The following EIF4ENIF1 variants were observed in gnomAD, a reference collection of about 807,000 sequenced individuals.
EIF4ENIF1 encodes eukaryotic translation initiation factor 4E transporter.
A neutral mutation model predicts 110.5 loss-of-function variants in EIF4ENIF1; 23 were observed. The observed-to-expected ratio is 0.21, with a 90% CI of 0.15 to 0.29. EIF4ENIF1 has a LOEUF of 0.29. Ranked by LOEUF, EIF4ENIF1 falls within the 10% of genes least tolerant of loss-of-function variation. The probability of loss-of-function intolerance (pLI) is 1.00; values close to 1 mark genes in which losing one functional copy is unlikely to be tolerated. For missense variants in EIF4ENIF1, 1,031 were observed against 1,221.1 expected (o/e 0.84, Z 2.32); for synonymous variants, 440 against 437.0 (o/e 1.01, Z -0.09).
intron 10 of EIF4ENIF1, 78 bp downstream of exon 10, chr22:31,454,066 T>A: frequency 7.4e-7 from 1 of 1,359,256 alleles, no homozygotes; most frequent in Admixed American, 2.2e-5. Flanking sequence ...AATACCTTTT[T>A]AAAAATCCTT....
Position 31,467,720 on chromosome 22 carries a change from G to A in EIF4ENIF1, c.298+455C>T, listed in dbSNP as rs201336404. Among the ~76,000 whole-genome samples the A allele has an allele frequency of 3.0e-4, 45 of 152,178 alleles. No individual in the cohort carries two copies. In the East Asian group the frequency reaches 5.2e-3, roughly 18 times the overall value. On this transcript the variant is annotated intron_variant, in intron 4 of 18. Coordinates refer to ENST00000330125, the MANE Select transcript of EIF4ENIF1 (RefSeq NM_019843.4). ...CACCTGTAATCCCAGCTACTTGGGTGGCTAAGGCAGAGAATTGCTTGAACC... is the reference window on the plus strand; with the variant it reads ...CACCTGTAATCCCAGCTACTTGGGTAGCTAAGGCAGAGAATTGCTTGAACC...
chr22:31,457,824 T>C (rs756638262), intron 7 of EIF4ENIF1, among the ~76,000 whole-genome samples: 3 of 152,220 alleles, frequency 2.0e-5, no homozygotes, highest in Non-Finnish European at 4.4e-5. Flanking sequence ...GACTTTTAAG[T>C]GCACTAATTT....
intron 6 of EIF4ENIF1, chr22:31,461,881 C>T (rs1432659516): frequency 2.0e-5 from 3 of 152,300 alleles, no homozygotes; most frequent in African/African-American, 7.2e-5. Context: ...CCTTAAGTGT[C>T]CTTGAGTTAC....
intron 2 of EIF4ENIF1, among the ~76,000 whole-genome samples, chr22:31,476,654 G>A (rs140345548): frequency 9.9e-4 from 150 of 152,216 alleles, no homozygotes; most frequent in Non-Finnish European, 1.0e-4. Flanking sequence ...CAGCACTTTG[G>A]GAGGCCAAGG....
intron 2 of EIF4ENIF1, 64 bp downstream of exon 2, chr22:31,488,559 T>C (rs1333058887): frequency 6.2e-7 from 1 of 1,600,708 alleles, no homozygotes; most frequent in African/African-American, 1.3e-5. Context: ...AATGAAATAG[T>C]TATACAATGT....
In EIF4ENIF1 at chr22:31,444,657, C is replaced by G; in HGVS notation, c.2022G>C (p.Val674=). Residue 674 remains valine, a synonymous_variant, in exon 15 of 19, where the codon GTG becomes GTC. Coordinates refer to ENST00000330125, the MANE Select transcript of EIF4ENIF1 (RefSeq NM_019843.4). ...QQRVTKSPAP[V]HRGNSSSPAP... ...CAGGGGAAGAGGAATTCCCTCGATG[C>G]ACGGGTGCTGGTGACTTGGTCACTC... is the stretch of plus-strand genomic sequence containing the variant. 1 of 1,614,116 alleles carries G rather than the reference C, an allele frequency of 6.2e-7. No homozygotes were observed. Among genetic ancestry groups the G allele is most frequent in the Non-Finnish European group, 8.5e-7 (1 of 1,179,976 alleles).
chr22:31,440,944 T>C (rs1459353680), intron 17 of EIF4ENIF1, 76 bp from the exon 18 acceptor site: 3 of 1,564,786 alleles, frequency 1.9e-6, no homozygotes, highest in Non-Finnish European at 2.6e-6. Context: ...TGTACAGTTT[T>C]GCTGATCTGG....
intron 6 of EIF4ENIF1, 103 bp downstream of exon 6, chr22:31,462,829 C>T (rs1304964669): frequency 5.7e-5 from 69 of 1,217,382 alleles, no homozygotes; most frequent in Non-Finnish European, 7.5e-5. Context: ...GTGATCCGCC[C>T]ACCTCGGCCT....
intron 2 of EIF4ENIF1, among the ~76,000 whole-genome samples, chr22:31,474,828 C>T (rs1339147211): frequency 3.9e-5 from 6 of 152,120 alleles, no homozygotes; most frequent in Non-Finnish European, 8.8e-5. Context: ...CTTTCAGCAC[C>T]AGTAAAATGC....
chr22:31,483,415 C>A (rs1162250087), intron 2 of EIF4ENIF1, among the ~76,000 whole-genome samples: 1 of 151,824 alleles, frequency 6.6e-6, no homozygotes, highest in Non-Finnish European at 1.5e-5. Context: ...CCTGCCCAGG[C>A]TGGTCTTGAA....
At chr22:31,482,668 T>G (rs930652133) in intron 2 of EIF4ENIF1, among the ~76,000 whole-genome samples, 10 of 144,550 alleles carry the variant, frequency 6.9e-5, no homozygotes, top group Admixed American at 1.4e-4. Flanking sequence ...GGTGACAGAG[T>G]GAGACGCGGT....
upstream of EIF4ENIF1, among the ~76,000 whole-genome samples, chr22:31,492,123 A>T (rs866290503): frequency 6.6e-6 from 1 of 152,106 alleles, no homozygotes; most frequent in Admixed American, 6.6e-5. Context: ...ACACTTACAC[A>T]TGGCCTCTCC....
chr22:31,448,051 A>C, intron 13 of EIF4ENIF1, 102 bp downstream of exon 13: 1 of 1,390,208 alleles, frequency 7.2e-7, no homozygotes, highest in Non-Finnish European at 1.0e-6. Context: ...GCCTGGCCTC[A>C]AAACCATTTT....
At chr22:31,467,124 G>A (rs1047754776) in intron 4 of EIF4ENIF1, among the ~76,000 whole-genome samples, 6 of 152,236 alleles carry the variant, frequency 3.9e-5, no homozygotes, top group East Asian at 1.9e-4. Context: ...CGAAGTTTAC[G>A]CGACCCATTT....
chr22:31,464,024 T>A, intron 4 of EIF4ENIF1, 57 bp from the exon 5 acceptor site: 1 of 1,552,960 alleles, frequency 6.4e-7, no homozygotes, highest in South Asian at 1.2e-5. Flanking sequence ...TTTTCTTCTT[T>A]TTTAGATAGT....
intron 6 of EIF4ENIF1, among the ~76,000 whole-genome samples, chr22:31,461,303 G>T (rs2050986818): frequency 6.6e-6 from 1 of 152,144 alleles, no homozygotes; most frequent in Non-Finnish European, 1.5e-5. Flanking sequence ...TTAGAGCCAG[G>T]TCACTGCCCT....
chr22:31,479,663 G>A (rs1394761093), intron 2 of EIF4ENIF1, among the ~76,000 whole-genome samples: 2 of 146,552 alleles, frequency 1.4e-5, no homozygotes, highest in East Asian at 2.0e-4. Context: ...AAGAAAGGAT[G>A]TGATATTACC....
intron 5 of EIF4ENIF1, 117 bp downstream of exon 5, chr22:31,463,564 C>G (rs1463573901): frequency 1.9e-6 from 2 of 1,057,940 alleles, no homozygotes; most frequent in African/African-American, 3.2e-5. Flanking sequence ...TGCCTATAAT[C>G]CCAGATACTG....
In EIF4ENIF1 at chr22:31,454,252, G is replaced by A. The variant is rs73396301; in HGVS notation, c.1404C>T (p.Ala468=). The A allele has an allele frequency of 2.8e-3, 4,456 of 1,614,044 alleles. 119 individuals are homozygous for A. The African/African-American group carries it at 0.05, about 18-fold the overall frequency. The stretch of plus-strand genomic sequence containing the variant: ...TCTTCAGTTGTCGATTGTTGGTTAC[G>A]GCACTCAAGGTCTCTTCTAGGTGTT... ...MAEHLEETLS[A]VTNNRQLKKD... The change falls in exon 10 of 19, where the codon GCC becomes GCT. Residue 468 remains alanine, a synonymous_variant. Transcript: ENST00000330125.
Sources: allele counts gnomAD v4.1 joint callset (sites outside exome capture counted in the v4.1 genomes callset), GRCh38; gene constraint gnomAD v4.1.1; transcripts MANE v1.5; gene names NCBI Gene and HGNC (gene_info 2026-07-23, HGNC 2026-07-21).